NARF: variants seen among roughly 807,000 people sequenced by gnomAD.
NARF encodes the protein nuclear prelamin A recognition factor.
Under a neutral mutation model 48.0 loss-of-function variants are expected in NARF, and 41 were observed. The ratio of observed to expected loss-of-function variants is 0.85; its 90% confidence interval spans 0.66 to 1.11. The LOEUF is 1.11. NARF is among the 50% of genes least tolerant of loss of function. The pLI is 0.00. For synonymous variants in NARF, 215 were observed against 225.5 expected, an observed-to-expected ratio of 0.95 and a Z score of 0.42; for missense variants, 613 against 590.2, an observed-to-expected ratio of 1.04 and a Z score of -0.40.
upstream of NARF, chr17:82,458,712 A>T: frequency 7.1e-7 from 1 of 1,414,562 alleles, no homozygotes. Context: ...GGGGAGGACA[A>T]CAAAGGGCCG....
intron 6 of NARF, chr17:82,480,508 A>T (rs916883807): frequency 2.5e-6 from 1 of 402,604 alleles, no homozygotes; most frequent in Admixed American, 4.4e-5. Flanking sequence ...GTCCTGAGGG[A>T]GGCAGCAGAC....
chr17:82,458,733 GC>G (rs1466089544), upstream of NARF: 9 of 1,454,982 alleles, frequency 6.2e-6, no homozygotes, highest in African/African-American at 4.4e-5. Context: ...CGGGCGGCGG[GC>G]AGTGGTGTCC....
At position 82,478,882 on chromosome 17, in the gene NARF, G is replaced by A. The variant is rs1272274116; in HGVS notation, c.603G>A (p.Met201Ile). The A allele has an allele frequency of 8.1e-6, 13 of 1,613,936 alleles. No individual in the cohort carries two copies. The highest frequency in any genetic ancestry group is 1.1e-5 in the Non-Finnish European group (13 of 1,180,016). ...LCTAKSPQQVMGSLVKDYFAR... is the reference protein window; with the variant it reads ...LCTAKSPQQVIGSLVKDYFAR... The stretch of plus-strand genomic sequence containing the variant: ...CCGCCAAGTCCCCCCAGCAGGTCAT[G>A]GGCTCTTTGGTGAAGGATTATTTCG... The change falls in exon 6 of 11, where the codon ATG becomes ATA. Residue 201 changes from methionine (M) to isoleucine (I), a missense_variant. Transcript: ENST00000309794.
chr17:82,481,964 C>A (rs2043974969), intron 7 of NARF: 5 of 315,796 alleles, frequency 1.6e-5, no homozygotes, highest in Non-Finnish European at 3.1e-5. Context: ...TTGCCTTTAC[C>A]ACGGTATTGG....
intron 7 of NARF, 23 bp from the exon 8 acceptor site, chr17:82,483,693 T>G: frequency 6.2e-7 from 1 of 1,612,884 alleles, no homozygotes; most frequent in Non-Finnish European, 8.5e-7. Context: ...GTCTTTTCAG[T>G]GTCTTACTTC....
At chr17:82,480,883 G>C (rs2043947179) in intron 6 of NARF, 199 bp from the exon 7 acceptor site, 3 of 641,178 alleles carry the variant, frequency 4.7e-6, no homozygotes, top group African/African-American at 2.0e-5. Context: ...AGTGAGCTGA[G>C]ATCACGCCAC....
chr17:82,464,254 T>G (rs200895968), intron 2 of NARF, 33 bp from the exon 3 acceptor site: 2 of 1,605,562 alleles, frequency 1.2e-6, no homozygotes, highest in East Asian at 4.5e-5. Flanking sequence ...GAGTATTTGT[T>G]GAATAATCAT....
chr17:82,478,733 C>G lies in NARF; in HGVS notation c.521-67C>G, dbSNP rs1348556410. ...CGGCAGGGACTCGAGCTCAGCATTC[C>G]CTGGTGCGTTACAGGAAGACCAGAG... On this transcript the variant is annotated intron_variant, in intron 5 of 10. Transcript: ENST00000309794. 17 of 1,474,932 alleles carry G rather than the reference C, an allele frequency of 1.2e-5. No homozygotes were observed. The East Asian group carries it at 3.9e-4, about 33-fold the overall frequency. 91.4% of individuals were successfully genotyped at this position (1,474,932 alleles called of 1,614,324 possible). A position where few individuals can be genotyped will look rare whatever the true frequency, so the allele number is the denominator to read the frequency against.
intron 4 of NARF, among the ~76,000 whole-genome samples, chr17:82,469,747 A>T (rs1241048254): frequency 6.6e-6 from 1 of 152,126 alleles, no homozygotes; most frequent in East Asian, 1.9e-4. Flanking sequence ...CTGGGACTAC[A>T]GGTGCGCGCC....
intron 7 of NARF, chr17:82,483,157 A>C: frequency 4.5e-6 from 1 of 222,886 alleles, no homozygotes; most frequent in Non-Finnish European, 9.3e-6. Flanking sequence ...CGTCTCTACT[A>C]AAAATACAAA....
In NARF at chr17:82,485,547, T is replaced by TC; in HGVS notation, c.1022_1023insC (p.Leu341PhefsTer20). On this transcript the variant is annotated frameshift_variant, in exon 10 of 11. Coordinates refer to ENST00000309794, the MANE Select transcript of NARF (RefSeq NM_012336.4). LOFTEE classifies it high-confidence loss of function. ...CTTGAGAAGAACGGAGAGGTGGTGT[T>TC]ACGCTTTGCTGCAGCCTATGGCTTT... 6.2e-7 allele frequency: 1 copy of TC among 1,614,244 alleles called. No homozygotes were observed.
At chr17:82,485,765 C>G in intron 10 of NARF, 111 bp downstream of exon 10, 3 of 1,262,564 alleles carry the variant, frequency 2.4e-6, no homozygotes, top group Non-Finnish European at 2.2e-6. Context: ...CCTCTCTCAG[C>G]CCTGAGAGCT....
At chr17:82,468,644 A>C in intron 3 of NARF, 120 bp from the exon 4 acceptor site, 2 of 938,916 alleles carry the variant, frequency 2.1e-6, no homozygotes, top group Non-Finnish European at 1.6e-6. Context: ...GTGTTTGTCT[A>C]TTTTATTAGT....
chr17:82,478,691 C>G (rs947089116), intron 5 of NARF, 109 bp from the exon 6 acceptor site: 2 of 1,143,010 alleles, frequency 1.7e-6, no homozygotes, highest in Non-Finnish European at 2.6e-6. Context: ...AAAAGGTGTT[C>G]TGGCTTCACC....
intron 1 of NARF, chr17:82,459,194 C>G (rs902388646): frequency 3.8e-6 from 4 of 1,055,576 alleles, no homozygotes; most frequent in East Asian, 6.6e-5. Context: ...GAACCTGCCC[C>G]TCTGAGGGTC....
Position 82,485,655 on chromosome 17 carries a change from G to A in NARF, c.1129+1G>A, listed in dbSNP as rs767522810. The A allele has an allele frequency of 4.0e-5, 64 of 1,613,766 alleles. No individual in the cohort carries two copies. The highest frequency in any genetic ancestry group is 5.2e-5 in the Non-Finnish European group (61 of 1,179,956). On this transcript the variant is annotated splice_donor_variant, in intron 10 of 10. Coordinates refer to ENST00000309794, the MANE Select transcript of NARF (RefSeq NM_012336.4). LOFTEE classifies it high-confidence loss of function. ...GTGGAGGTCCTCGCCTGTGCTGGAG[G>A]TGAGGCGCCAAGAGCAGCACCTGGC...
chr17:82,476,249 C>T (rs569205591), intron 5 of NARF, among the ~76,000 whole-genome samples: 3 of 152,166 alleles, frequency 2.0e-5, no homozygotes, highest in Middle Eastern at 3.4e-3. Context: ...CTCAGGTGAT[C>T]GCCCGCCTCA....
chr17:82,470,796 A>C (rs2043682214), intron 4 of NARF, among the ~76,000 whole-genome samples: 1 of 151,920 alleles, frequency 6.6e-6, no homozygotes, highest in South Asian at 2.1e-4. Flanking sequence ...GCCCAGCCTA[A>C]TATTTATTAT....
intron 6 of NARF, chr17:82,480,483 G>A: frequency 2.5e-6 from 1 of 402,126 alleles, no homozygotes; most frequent in Non-Finnish European, 4.4e-6. Flanking sequence ...CAGATGTTTG[G>A]GAGGACCACA....
Sources: gnomAD v4.1 joint callset for allele counts (sites outside exome capture counted in the v4.1 genomes callset) on GRCh38, gnomAD v4.1.1 for gene constraint, MANE v1.5 for transcripts, NCBI Gene and HGNC (gene_info 2026-07-23, HGNC 2026-07-21) for gene names.